Variants in SAV1 observed in about 807,000 individuals in gnomAD.
SAV1 encodes the protein salvador family WW domain containing protein 1, also known as protein salvador homolog 1.
SAV1 carries 23 observed loss-of-function variants against 47.3 expected under a neutral mutation model. That is an observed-to-expected ratio of 0.49 (90% CI 0.35 to 0.69). SAV1 has a LOEUF of 0.69. Ranked by LOEUF, SAV1 falls within the 30% of genes least tolerant of loss-of-function variation. The probability of loss-of-function intolerance (pLI) is 0.01; values close to 1 mark genes in which losing one functional copy is unlikely to be tolerated. For synonymous variants in SAV1, 155 were observed against 159.2 expected, an observed-to-expected ratio of 0.97 and a Z score of 0.20; for missense variants, 448 against 457.4, an observed-to-expected ratio of 0.98 and a Z score of 0.19.
chr14:50,637,652 A>G lies in SAV1; in HGVS notation c.951-2268T>C, dbSNP rs1175581711. ...GTCTAAAGGAAGAAAAAATCTTCAA[A>G]CAATTTTGTCAGTTTTTTTTTTTTT... On this transcript the variant is annotated intron_variant, in intron 4 of 4. Coordinates refer to ENST00000324679, the MANE Select transcript of SAV1 (RefSeq NM_021818.4). 2.0e-5 allele frequency: 3 copies of G among 147,934 alleles called. No individual in the cohort carries two copies. The East Asian group carries it at 5.9e-4, about 29-fold the overall frequency. The allele number at this position is 147,934 out of a possible 1,614,324, so 9.2% of individuals were successfully genotyped here. A position where few individuals can be genotyped will look rare whatever the true frequency, so the allele number is the denominator to read the frequency against.
chr14:50,647,558 C>A (rs983284453), intron 2 of SAV1, among the ~76,000 whole-genome samples: 9 of 151,950 alleles, frequency 5.9e-5, no homozygotes, highest in African/African-American at 2.2e-4. Flanking sequence ...CAGAGTGAAA[C>A]CCCTTCTCTC....
Position 50,665,541 on chromosome 14 carries a change from T to G in SAV1, c.173A>C (p.Asn58Thr). The G allele has an allele frequency of 6.2e-7, 1 of 1,614,038 alleles. No homozygotes were observed. The highest frequency in any genetic ancestry group is 8.5e-7 in the Non-Finnish European group (1 of 1,179,932). ...TDICLPDSSPNAFSTSGDVVS... is the reference protein window; with the variant it reads ...TDICLPDSSPTAFSTSGDVVS... ...TACATCTCCAGAAGTTGAAAAGGCA[T>G]TAGGGCTTGAATCTGGAAGACAGAT... Residue 58 changes from asparagine to threonine, a missense_variant, in exon 2 of 5, where the codon AAT becomes ACT. Coordinates refer to ENST00000324679, the MANE Select transcript of SAV1 (RefSeq NM_021818.4).
At position 50,644,763 on chromosome 14, in the gene SAV1, T is replaced by C. The variant is rs745412299; in HGVS notation, c.787A>G (p.Arg263Gly). The change falls in exon 3 of 5, where the codon AGG becomes GGG. Residue 263 changes from arginine to glycine, a missense_variant. By Grantham distance (125) the Arg-to-Gly change is moderately radical. Transcript: ENST00000324679. ...CTGTACCTAGGAGCACAGGGATGCC[T>C]GTATTGGGCCTTCTTATTTGTGTGA... The part of the protein sequence containing the change: ...VDHTNKKAQY[R>G]HPCAPSVPRY... 8 of 1,613,926 alleles carry C rather than the reference T, an allele frequency of 5.0e-6. No individual in the cohort carries two copies. The highest frequency in any genetic ancestry group is 6.8e-6 in the Non-Finnish European group (8 of 1,179,812).
chr14:50,642,619 A>G (rs1595636778), intron 3 of SAV1, among the ~76,000 whole-genome samples: 2 of 152,138 alleles, frequency 1.3e-5, no homozygotes, highest in African/African-American at 4.8e-5. Context: ...GTACCCCTGA[A>G]CCTAAAATAA....
chr14:50,634,291 T>A lies in SAV1; in HGVS notation c.*892A>T, dbSNP rs556984336. On this transcript the variant is annotated 3_prime_UTR_variant, in exon 5 of 5. Transcript: ENST00000324679. ...GATTAAAAGGCCCGTCACCCATTCA[T>A]ACCAAAAAATACTTTCTCAACATGC... The A allele has an allele frequency of 3.7e-4, 117 of 320,118 alleles. 3 individuals are homozygous for A. Among genetic ancestry groups the A allele is most frequent in the South Asian group, 2.9e-3 (115 of 40,306 alleles). The allele number at this position is 320,118 out of a possible 1,614,324, so 19.8% of individuals were successfully genotyped here.
At chr14:50,657,024 C>CTTTT (rs3080610) in intron 2 of SAV1, among the ~76,000 whole-genome samples, 3 of 122,228 alleles carry the variant, frequency 2.5e-5, no homozygotes, top group African/African-American at 9.3e-5. Flanking sequence ...AAAACACTCA[C>CTTTT]TTTTTTTTTT....
chr14:50,637,663 A>AATTTTTT (rs771403561), intron 4 of SAV1: 1 of 128,768 alleles, frequency 7.8e-6, no homozygotes, highest in African/African-American at 3.4e-5. Flanking sequence ...CAATTTTGTC[A>AATTTTTT]GTTTTTTTTT....
chr14:50,662,593 A>G (rs1375973678), intron 2 of SAV1: 2 of 152,364 alleles, frequency 1.3e-5, no homozygotes, highest in Admixed American at 1.3e-4. Context: ...AAATTATCTC[A>G]AATTGCTCCT....
chr14:50,655,673 G>C (rs1231529442), intron 2 of SAV1, among the ~76,000 whole-genome samples: 2 of 152,124 alleles, frequency 1.3e-5, no homozygotes, highest in Middle Eastern at 3.4e-3. Flanking sequence ...TGATCCATCT[G>C]TCTTGGCCTC....
intron 4 of SAV1, among the ~76,000 whole-genome samples, chr14:50,640,172 C>CA (rs2039670037): frequency 6.6e-6 from 1 of 152,090 alleles, no homozygotes; most frequent in Non-Finnish European, 1.5e-5. Context: ...TTTATAGAGA[C>CA]AGAGTCCTGC....
chr14:50,653,036 G>C (rs1283719542), intron 2 of SAV1, among the ~76,000 whole-genome samples: 1 of 150,104 alleles, frequency 6.7e-6, no homozygotes, highest in South Asian at 2.1e-4. Context: ...TAAAAAAAAA[G>C]AAATTGAAAA....
At position 50,646,869 on chromosome 14, in the gene SAV1, TA is replaced by T. The variant is rs1828675692; in HGVS notation, c.536-1856del. On this transcript the variant is annotated intron_variant, in intron 2 of 4. Coordinates refer to ENST00000324679, the MANE Select transcript of SAV1 (RefSeq NM_021818.4). ...TTTAAGGCTTACTATAAAGCTACAT[TA>T]ATCAAGACAGTATGGTATTGTCAGA... Among the ~76,000 whole-genome samples, 2 of 152,180 alleles carry T rather than the reference TA, an allele frequency of 1.3e-5. 1 individual carries two copies. Among genetic ancestry groups the T allele is most frequent in the South Asian group, 4.1e-4 (2 of 4,836 alleles).
At chr14:50,646,365 T>C (rs963023070) in intron 2 of SAV1, among the ~76,000 whole-genome samples, 2 of 152,152 alleles carry the variant, frequency 1.3e-5, no homozygotes, top group African/African-American at 4.8e-5. Flanking sequence ...AGCAAAACCA[T>C]GGATAAAGCG....
At chr14:50,657,865 G>C (rs1741070752) in intron 2 of SAV1, among the ~76,000 whole-genome samples, 1 of 152,152 alleles carries the variant, frequency 6.6e-6, no homozygotes, top group African/African-American at 2.4e-5. Context: ...ATCAGTAGAT[G>C]TGCCAAAAAA....
chr14:50,653,074 C>G (rs946216685), intron 2 of SAV1, among the ~76,000 whole-genome samples: 1 of 151,784 alleles, frequency 6.6e-6, no homozygotes, highest in Non-Finnish European at 1.5e-5. Context: ...GAGGTACAAT[C>G]TACAAAACAT....
chr14:50,653,738 G>A (rs549383541), intron 2 of SAV1, among the ~76,000 whole-genome samples: 2 of 151,974 alleles, frequency 1.3e-5, no homozygotes, highest in African/African-American at 2.4e-5. Context: ...GCCTGGTGGC[G>A]CATACTTGTA....
At position 50,665,360 on chromosome 14, in the gene SAV1, C is replaced by T; in HGVS notation, c.354G>A (p.Thr118=). The stretch of plus-strand genomic sequence containing the variant: ...CATTTTCAACAGCAAAACTAACTTC[C>T]GTTACAAATGACTGAGAAGAACCAT... ...REYGSSQSFV[T]EVSFAVENGD... Residue 118 remains threonine, a synonymous_variant, in exon 2 of 5, where the codon ACG becomes ACA. Transcript: ENST00000324679. The T allele has an allele frequency of 1.9e-6, 3 of 1,612,348 alleles. No homozygotes were observed. The highest frequency in any genetic ancestry group is 2.2e-5 in the East Asian group (1 of 44,828).
chr14:50,640,626 A>T (rs1566740447), intron 4 of SAV1, 124 bp downstream of exon 4: 4 of 701,536 alleles, frequency 5.7e-6, no homozygotes. Context: ...CAAGTCACGT[A>T]TTACTTAGAA....
intron 2 of SAV1, among the ~76,000 whole-genome samples, chr14:50,657,186 C>A (rs1472466602): frequency 6.6e-6 from 1 of 152,046 alleles, no homozygotes; most frequent in African/African-American, 2.4e-5. Context: ...AGGCACACAC[C>A]ACCATGCCCA....
Sources: gnomAD v4.1 joint callset for allele counts (sites outside exome capture counted in the v4.1 genomes callset) on GRCh38, gnomAD v4.1.1 for gene constraint, MANE v1.5 for transcripts, NCBI Gene and HGNC (gene_info 2026-07-23, HGNC 2026-07-21) for gene names.